Variants in UNC5D observed in about 807,000 individuals in gnomAD.
UNC5D encodes netrin receptor UNC5D.
UNC5D carries 39 observed loss-of-function variants against 105.4 expected under a neutral mutation model. That is an observed-to-expected ratio of 0.37 (90% CI 0.29 to 0.48). The LOEUF (loss-of-function observed/expected upper bound fraction) is 0.48, where lower values mean the gene tolerates loss of function less well. Among genes scored for constraint, UNC5D ranks in the 20% least tolerant of loss-of-function variants. The pLI, the probability that UNC5D is intolerant of heterozygous loss-of-function variation, is 0.98. For synonymous variants in UNC5D, 452 were observed against 450.4 expected (o/e 1.00, Z -0.04); for missense variants, 991 against 1,202.4 (o/e 0.82, Z 2.60).
intron 14 of UNC5D, among the ~76,000 whole-genome samples, chr8:35,761,805 A>G (rs1432518768): frequency 6.6e-6 from 1 of 152,090 alleles, no homozygotes; most frequent in Non-Finnish European, 1.5e-5. Context: ...GCTTGGCTTA[A>G]TGACCATGCT....
rs546680382 is a variant in UNC5D, at chr8:35,348,070, A to G, written c.103+112183A>G. Among the ~76,000 whole-genome samples the G allele has an allele frequency of 8.5e-5, 13 of 152,062 alleles. No homozygotes were observed. The South Asian group carries it at 2.7e-3, about 32-fold the overall frequency. On this transcript the variant is annotated intron_variant, in intron 1 of 16. Transcript: ENST00000404895. ...GCAATACAAAGATGTATAAAGGAAA[A>G]GTTGGTTATCTGCCTTTTCTCCTGA...
In UNC5D at chr8:35,650,249, C is replaced by T. The variant is rs186268451; in HGVS notation, c.571-33298C>T. On this transcript the variant is annotated intron_variant, in intron 4 of 16. Transcript: ENST00000404895. ...TGATGACCGAGGCTCTGGCCTGCTCCGTCGTTGACTTGTTGTGAGCCTTGT... is the reference window on the plus strand; with the variant it reads ...TGATGACCGAGGCTCTGGCCTGCTCTGTCGTTGACTTGTTGTGAGCCTTGT... 1.6e-3 allele frequency among the ~76,000 whole-genome samples: 238 copies of T among 152,220 alleles called. 2 individuals carry two copies. The highest frequency in any genetic ancestry group is 5.4e-3 in the African/African-American group (224 of 41,526).
intron 1 of UNC5D, among the ~76,000 whole-genome samples, chr8:35,374,247 T>A (rs1173551965): frequency 6.6e-6 from 1 of 152,178 alleles, no homozygotes; most frequent in African/African-American, 2.4e-5. Flanking sequence ...GTGTTTTAAA[T>A]AGAGTTTGTC....
intron 1 of UNC5D, among the ~76,000 whole-genome samples, chr8:35,322,434 A>C (rs1480661916): frequency 6.6e-6 from 1 of 152,026 alleles, no homozygotes; most frequent in African/African-American, 2.4e-5. Flanking sequence ...TCATTTTACA[A>C]ACTCACCTTT....
intron 1 of UNC5D, among the ~76,000 whole-genome samples, chr8:35,504,166 C>A (rs1304909730): frequency 6.6e-6 from 1 of 152,086 alleles, no homozygotes; most frequent in Non-Finnish European, 1.5e-5. Flanking sequence ...GAGAGTGAAG[C>A]AAAAACCATT....
At chr8:35,641,048 G>A (rs1238529127) in intron 4 of UNC5D, among the ~76,000 whole-genome samples, 1 of 151,758 alleles carries the variant, frequency 6.6e-6, no homozygotes, top group Non-Finnish European at 1.5e-5. Flanking sequence ...AATTCGATTA[G>A]ATTTGGGCCC....
At chr8:35,305,597 C>CTTTCTTTCA (rs1554505773) in intron 1 of UNC5D, among the ~76,000 whole-genome samples, 2,700 of 86,714 alleles carry the variant, frequency 0.031, 91 homozygotes, top group African/African-American at 0.072. Context: ...TTCTTTCTTT[C>CTTTCTTTCA]TTTCTTTCTT....
intron 4 of UNC5D, among the ~76,000 whole-genome samples, chr8:35,632,488 C>CTCAAG (rs1472952856): frequency 6.6e-6 from 1 of 152,192 alleles, no homozygotes; most frequent in African/African-American, 2.4e-5. Context: ...TCAAGCCGAC[C>CTCAAG]TGATTGTCCT....
chr8:35,713,119 C>A (rs1828056893), intron 8 of UNC5D, among the ~76,000 whole-genome samples: 1 of 151,944 alleles, frequency 6.6e-6, no homozygotes, highest in Non-Finnish European at 1.5e-5. Flanking sequence ...TTCTTACTAC[C>A]ATTTTCAATG....
At chr8:35,423,335 C>T (rs900925105) in intron 1 of UNC5D, among the ~76,000 whole-genome samples, 4 of 152,176 alleles carry the variant, frequency 2.6e-5, no homozygotes, top group African/African-American at 7.2e-5. Context: ...GCTGTGCTCA[C>T]TGCAGCTCCA....
chr8:35,628,252 G>T (rs1005664475), intron 4 of UNC5D, among the ~76,000 whole-genome samples: 3 of 152,062 alleles, frequency 2.0e-5, no homozygotes, highest in Non-Finnish European at 2.9e-5. Flanking sequence ...TCGTGCCTCA[G>T]CTTCCCAAGT....
chr8:35,339,331 G>A (rs1436974913), intron 1 of UNC5D, among the ~76,000 whole-genome samples: 1 of 152,180 alleles, frequency 6.6e-6, no homozygotes, highest in Non-Finnish European at 1.5e-5. Context: ...AAGCAAATAA[G>A]TCCTATATGA....
At chr8:35,526,471 T>C (rs1468521124) in intron 1 of UNC5D, among the ~76,000 whole-genome samples, 1 of 152,218 alleles carries the variant, frequency 6.6e-6, no homozygotes, top group Non-Finnish European at 1.5e-5. Flanking sequence ...ACCTGAGTTG[T>C]TGTAGTTGTC....
At chr8:35,713,835 A>G (rs78699483) in intron 8 of UNC5D, among the ~76,000 whole-genome samples, 2,148 of 152,334 alleles carry the variant, frequency 0.014, 37 homozygotes, top group African/African-American at 0.049. Flanking sequence ...TGAAAAAAAT[A>G]AGTAGTCAGG....
chr8:35,764,281 G>C (rs1293164702), intron 14 of UNC5D, among the ~76,000 whole-genome samples: 1 of 152,182 alleles, frequency 6.6e-6, no homozygotes, highest in Non-Finnish European at 1.5e-5. Context: ...TATAATGCCA[G>C]GAATTGAGGA....
chr8:35,328,735 A>C (rs1585595863), intron 1 of UNC5D, among the ~76,000 whole-genome samples: 1 of 152,170 alleles, frequency 6.6e-6, no homozygotes, highest in East Asian at 1.9e-4. Flanking sequence ...CCCAAGGTGT[A>C]AGCTTCTTCC....
chr8:35,600,735 C>A (rs1387127036), intron 4 of UNC5D, among the ~76,000 whole-genome samples: 1 of 152,094 alleles, frequency 6.6e-6, no homozygotes, highest in Non-Finnish European at 1.5e-5. Context: ...AAAATTGTCT[C>A]CCATTCTGTA....
chr8:35,284,138 A>G (rs1368060629), intron 1 of UNC5D, among the ~76,000 whole-genome samples: 1 of 152,210 alleles, frequency 6.6e-6, no homozygotes, highest in Admixed American at 6.5e-5. Flanking sequence ...ACTATATTAA[A>G]CTATATTATG....
chr8:35,307,812 T>G (rs1808537108), intron 1 of UNC5D, among the ~76,000 whole-genome samples: 1 of 152,108 alleles, frequency 6.6e-6, no homozygotes. Context: ...ACGCAGGAAC[T>G]TTACAGTTAA....
Sources: gnomAD v4.1 joint callset for allele counts (sites outside exome capture counted in the v4.1 genomes callset) on GRCh38, gnomAD v4.1.1 for gene constraint, MANE v1.5 for transcripts, NCBI Gene and HGNC (gene_info 2026-07-23, HGNC 2026-07-21) for gene names.